PSMB7: variants seen among roughly 807,000 people sequenced by gnomAD.
The protein encoded by PSMB7 is proteasome subunit beta type-7.
In PSMB7, 5 loss-of-function variants were observed where a neutral mutation model predicts 28.1. The observed-to-expected ratio is 0.18, with a 90% CI of 0.09 to 0.37. The LOEUF is 0.37. PSMB7 is among the 10% of genes least tolerant of loss of function. The pLI is 1.00. For missense variants in PSMB7, 275 were observed against 346.2 expected (o/e 0.79, Z 1.63); for synonymous variants, 122 against 123.7 (o/e 0.99, Z 0.09).
At chr9:124,401,404 A>G (rs1830905445) in intron 5 of PSMB7, among the ~76,000 whole-genome samples, 2 of 152,250 alleles carry the variant, frequency 1.3e-5, no homozygotes, top group South Asian at 4.1e-4. Context: ...CTCCCTCACA[A>G]GACTATAGGC....
intron 6 of PSMB7, among the ~76,000 whole-genome samples, chr9:124,365,159 C>T (rs1000532126): frequency 2.0e-5 from 3 of 152,198 alleles, no homozygotes; most frequent in Admixed American, 2.0e-4. Context: ...ATGAACACAC[C>T]GCACACGCTG....
At chr9:124,404,546 A>G (rs1173491926) in intron 5 of PSMB7, among the ~76,000 whole-genome samples, 1 of 152,178 alleles carries the variant, frequency 6.6e-6, no homozygotes, top group African/African-American at 2.4e-5. Flanking sequence ...AAAAATCCAG[A>G]ATCAAAAATG....
intron 5 of PSMB7, among the ~76,000 whole-genome samples, chr9:124,389,032 C>T (rs1830756480): frequency 6.6e-6 from 1 of 151,582 alleles, no homozygotes; most frequent in Admixed American, 6.6e-5. Flanking sequence ...ATGAGGGAGC[C>T]AAAAAAAACT....
At chr9:124,379,083 T>G (rs1316478114) in intron 6 of PSMB7, among the ~76,000 whole-genome samples, 2 of 152,240 alleles carry the variant, frequency 1.3e-5, no homozygotes, top group African/African-American at 4.8e-5. Flanking sequence ...CAGGTCAACT[T>G]ACACATTTCA....
At chr9:124,413,370 A>C (rs1831050052) in intron 3 of PSMB7, among the ~76,000 whole-genome samples, 1 of 151,912 alleles carries the variant, frequency 6.6e-6, no homozygotes, top group East Asian at 1.9e-4. Flanking sequence ...AGACGCTTGA[A>C]GGGTAGGCTT....
At position 124,393,503 on chromosome 9, in the gene PSMB7, A is replaced by G. The variant is rs140079188; in HGVS notation, c.512-8847T>C. 1.7e-3 allele frequency among the ~76,000 whole-genome samples: 265 copies of G among 152,336 alleles called. 1 individual carries two copies. The highest frequency in any genetic ancestry group is 6.1e-3 in the African/African-American group (253 of 41,566). The stretch of plus-strand genomic sequence containing the variant: ...TGTCAAAGTCTACCTTTTATTCCCA[A>G]TGAATTTAAAAAAGTATTCCATTTA... On this transcript the variant is annotated intron_variant, in intron 5 of 7. Coordinates refer to ENST00000259457, the MANE Select transcript of PSMB7 (RefSeq NM_002799.4).
intron 4 of PSMB7, among the ~76,000 whole-genome samples, chr9:124,411,759 A>C (rs1048876028): frequency 3.9e-5 from 6 of 152,220 alleles, no homozygotes; most frequent in African/African-American, 1.4e-4. Context: ...CACCTCTTTA[A>C]ACCTCAATTT....
chr9:124,362,301 A>G (rs1830471240), intron 6 of PSMB7, among the ~76,000 whole-genome samples: 1 of 152,246 alleles, frequency 6.6e-6, no homozygotes, highest in Non-Finnish European at 1.5e-5. Flanking sequence ...AGAGATACTC[A>G]GCCTTTTTCC....
At chr9:124,358,756 C>G (rs1173335416) in intron 6 of PSMB7, among the ~76,000 whole-genome samples, 2 of 152,240 alleles carry the variant, frequency 1.3e-5, no homozygotes, top group African/African-American at 4.8e-5. Context: ...CTCTGCTCCC[C>G]CTTCTCTTCT....
At chr9:124,357,085 C>T (rs572254727) in intron 6 of PSMB7, among the ~76,000 whole-genome samples, 170 bp from the exon 7 acceptor site, 1 of 152,276 alleles carries the variant, frequency 6.6e-6, no homozygotes, top group African/African-American at 2.4e-5. Context: ...ATTATTTACC[C>T]AAAGTTCCCG....
At chr9:124,410,247 G>A (rs1231350337) in intron 4 of PSMB7, among the ~76,000 whole-genome samples, 1 of 151,906 alleles carries the variant, frequency 6.6e-6, no homozygotes, top group Non-Finnish European at 1.5e-5. Flanking sequence ...GCCTGCCTCG[G>A]CCCCCCAAAG....
chr9:124,370,342 C>A (rs915987023), intron 6 of PSMB7, among the ~76,000 whole-genome samples: 3 of 150,126 alleles, frequency 2.0e-5, no homozygotes, highest in African/African-American at 7.3e-5. Context: ...AAAACCTACA[C>A]TTGATATAGG....
At chr9:124,365,397 T>A (rs948184863) in intron 6 of PSMB7, among the ~76,000 whole-genome samples, 8 of 152,212 alleles carry the variant, frequency 5.3e-5, no homozygotes, top group South Asian at 2.1e-4. Context: ...GGCAGACGTG[T>A]AGGCAGGAAG....
intron 5 of PSMB7, among the ~76,000 whole-genome samples, chr9:124,400,363 C>T (rs551663536): frequency 3.3e-5 from 5 of 152,330 alleles, no homozygotes; most frequent in African/African-American, 1.2e-4. Context: ...AGTATAAACT[C>T]GTGCCAGCTT....
intron 5 of PSMB7, among the ~76,000 whole-genome samples, chr9:124,389,058 AG>A (rs1271697365): frequency 6.6e-6 from 1 of 152,242 alleles, no homozygotes; most frequent in African/African-American, 2.4e-5. Context: ...CTGCCCCTGA[AG>A]GTGTGAGGAT....
intron 6 of PSMB7, among the ~76,000 whole-genome samples, chr9:124,382,428 G>A (rs951056218): frequency 6.6e-5 from 10 of 151,346 alleles, no homozygotes; most frequent in African/African-American, 2.2e-4. Context: ...GGCTGGTCTC[G>A]AACTCCTGAC....
In PSMB7 at chr9:124,370,069, G is replaced by A. The variant is rs146414355; in HGVS notation, c.571-13154C>T. ...CAAGCCCACCCTTCACATGTCTGAA[G>A]GACCACCGTCTATCAACAGTTTACA... is the stretch of plus-strand genomic sequence containing the variant. On this transcript the variant is annotated intron_variant, in intron 6 of 7. Transcript: ENST00000259457. Among the ~76,000 whole-genome samples, 250 of 152,204 alleles carry A rather than the reference G, an allele frequency of 1.6e-3. 3 individuals are homozygous for A. Among genetic ancestry groups the A allele is most frequent in the Admixed American group, 3.9e-3 (59 of 15,292 alleles).
At chr9:124,398,512 T>C in intron 5 of PSMB7, 1 of 324,386 alleles carries the variant, frequency 3.1e-6, no homozygotes, top group Non-Finnish European at 6.3e-6. Flanking sequence ...ATCACGTTGT[T>C]TTTGGGTAGT....
chr9:124,364,766 A>G (rs550229944), intron 6 of PSMB7, among the ~76,000 whole-genome samples: 1 of 152,346 alleles, frequency 6.6e-6, no homozygotes, highest in East Asian at 1.9e-4. Flanking sequence ...ACAACAAAGC[A>G]GCAGCCAGCA....
Sources: allele counts gnomAD v4.1 joint callset (sites outside exome capture counted in the v4.1 genomes callset), GRCh38; gene constraint gnomAD v4.1.1; transcripts MANE v1.5; gene names NCBI Gene and HGNC (gene_info 2026-07-23, HGNC 2026-07-21).